The following ACCSL variants were observed in gnomAD, a reference collection of about 807,000 sequenced individuals.
ACCSL encodes the protein 1-aminocyclopropane-1-carboxylate synthase homolog (inactive) like.
A neutral mutation model predicts 61.7 loss-of-function variants in ACCSL; 55 were observed. The ratio of observed to expected loss-of-function variants is 0.89; its 90% CI spans 0.72 to 1.12. The LOEUF (loss-of-function observed/expected upper bound fraction) is 1.12, where lower values mean the gene tolerates loss of function less well. Among genes scored for constraint, ACCSL ranks in the 50% most tolerant of loss-of-function variants. The pLI is 0.00. For synonymous variants in ACCSL, 258 were observed against 264.3 expected (o/e 0.98, Z 0.23); for missense variants, 632 against 698.0 (o/e 0.91, Z 1.07).
At chr11:43,928,332 T>C in the ACCSL span, among the ~76,000 whole-genome samples, 2 of 152,144 alleles carry the variant, frequency 1.3e-5, no homozygotes, top group African/African-American at 4.8e-5. Context: ...TTTCTAGTGC[T>C]GGTAACACCC....
At chr11:43,981,397 T>C in the ACCSL span, among the ~76,000 whole-genome samples, 47 of 152,130 alleles carry the variant, frequency 3.1e-4, no homozygotes, top group Admixed American at 7.8e-4. Context: ...AGAGACACAA[T>C]GCTTGCAGCA....
At chr11:44,041,849 T>A in the ACCSL span, among the ~76,000 whole-genome samples, 3 of 152,206 alleles carry the variant, frequency 2.0e-5, no homozygotes, top group Admixed American at 2.0e-4. Flanking sequence ...TGAGAGATGT[T>A]TCATGTTAAA....
the ACCSL span, among the ~76,000 whole-genome samples, chr11:44,023,958 A>G: frequency 6.6e-6 from 1 of 151,922 alleles, no homozygotes; most frequent in Non-Finnish European, 1.5e-5. Context: ...GGATTTCCTG[A>G]ATTTTCTGTT....
the ACCSL span, among the ~76,000 whole-genome samples, chr11:44,018,392 C>T: frequency 6.6e-6 from 1 of 152,342 alleles, no homozygotes; most frequent in African/African-American, 2.4e-5. Flanking sequence ...CTCGCCCCAG[C>T]CCCACTCAGG....
chr11:43,978,237 T>G, the ACCSL span, among the ~76,000 whole-genome samples: 2 of 152,060 alleles, frequency 1.3e-5, no homozygotes, highest in Non-Finnish European at 2.9e-5. Flanking sequence ...CTCAAACTCC[T>G]GACCTCAAGT....
the ACCSL span, among the ~76,000 whole-genome samples, chr11:44,004,543 A>T: frequency 6.6e-6 from 1 of 152,150 alleles, no homozygotes; most frequent in African/African-American, 2.4e-5. Context: ...TCTCAAGGGC[A>T]TGTACCTAGC....
At chr11:43,959,208 G>A in the ACCSL span, among the ~76,000 whole-genome samples, 21 of 152,248 alleles carry the variant, frequency 1.4e-4, no homozygotes, top group East Asian at 4.1e-3. Context: ...GCGAGCCGGC[G>A]ATGCACACCA....
the ACCSL span, among the ~76,000 whole-genome samples, chr11:43,960,572 A>C: frequency 2.0e-5 from 3 of 152,032 alleles, no homozygotes; most frequent in Non-Finnish European, 4.4e-5. Context: ...TTTAGCAGAG[A>C]TGAGGTTTCA....
the ACCSL span, chr11:43,943,470 C>T: frequency 1.4e-6 from 2 of 1,410,380 alleles, no homozygotes; most frequent in African/African-American, 2.9e-5. This position sits in a 1 kb window ranked among gnomAD's most constrained non-coding sequence, Gnocchi z 4.8. Context: ...CCCGGGAGCG[C>T]CGGGAGCGGG....
chr11:43,927,996 G>A, the ACCSL span, among the ~76,000 whole-genome samples: 1 of 152,194 alleles, frequency 6.6e-6, no homozygotes, highest in Non-Finnish European at 1.5e-5. Context: ...TGGAACAAGG[G>A]GTCCTGATGA....
the ACCSL span, among the ~76,000 whole-genome samples, chr11:44,038,038 C>G: frequency 1.3e-5 from 2 of 152,046 alleles, no homozygotes; most frequent in African/African-American, 4.8e-5. Flanking sequence ...AGTTTACCTT[C>G]TAGAGAAGGG....
At chr11:44,008,166 G>T in the ACCSL span, among the ~76,000 whole-genome samples, 8 of 152,152 alleles carry the variant, frequency 5.3e-5, no homozygotes, top group Admixed American at 2.0e-4. Flanking sequence ...TCCCCAGGAT[G>T]ATTCACCTTC....
At position 44,058,185 on chromosome 11, in the gene ACCSL, T is replaced by A. The variant is rs532808241; in HGVS notation, c.1328-132T>A. The A allele has an allele frequency of 3.2e-4, 374 of 1,185,190 alleles. 1 individual carries two copies. The highest frequency in any genetic ancestry group is 5.7e-4 in the South Asian group (36 of 62,870). The allele number at this position is 1,185,190 out of a possible 1,614,324, so 73.4% of individuals were successfully genotyped here. A position where few individuals can be genotyped will look rare whatever the true frequency, so the allele number is the denominator to read the frequency against. ...GAAACTCTGGTTTTTTTGTTTTTTT[T>A]AAAAACAGACAAACAAAACAAAAAC... On this transcript the variant is annotated intron_variant, in intron 11 of 13. Transcript: ENST00000378832.
chr11:44,037,667 G>C, the ACCSL span, among the ~76,000 whole-genome samples: 2 of 152,184 alleles, frequency 1.3e-5, no homozygotes, highest in Non-Finnish European at 1.5e-5. Context: ...TCACTCTACT[G>C]TCAACATTCA....
At chr11:44,043,042 C>T (rs894797944), upstream of ACCSL, among the ~76,000 whole-genome samples, 3 of 151,464 alleles carry the variant, frequency 2.0e-5, no homozygotes, top group African/African-American at 7.3e-5. Context: ...CTGATTGCAC[C>T]ATTGCACTCC....
chr11:43,922,169 C>G, the ACCSL span: 4 of 152,242 alleles, frequency 2.6e-5, no homozygotes, highest in Non-Finnish European at 5.9e-5. Context: ...TCAGCAGGCA[C>G]TGTCCTAGGA....
the ACCSL span, among the ~76,000 whole-genome samples, chr11:43,962,886 C>A: frequency 7.2e-5 from 11 of 152,190 alleles, no homozygotes; most frequent in Non-Finnish European, 1.5e-4. Context: ...TTTTCTGACA[C>A]CCACTTCAGA....
At chr11:44,056,668 A>G (rs1218052034) in intron 11 of ACCSL, among the ~76,000 whole-genome samples, 2 of 152,102 alleles carry the variant, frequency 1.3e-5, no homozygotes, top group African/African-American at 4.8e-5. Context: ...CCCGGTCTCT[A>G]CTAAAAATGC....
chr11:44,053,062 G>T lies in ACCSL; in HGVS notation c.942G>T (p.Arg314Ser), dbSNP rs1952649813. ...DKLEEALLEA[R>S]LEGKKVRGLV... ...TAGAGGAAGCCCTGCTTGAAGCTAG[G>T]CTTGAGGTAAGGTGGGAACCATATT... Residue 314 changes from arginine to serine, a missense_variant, in exon 7 of 14, where the codon AGG becomes AGT. Coordinates refer to ENST00000378832, the MANE Select transcript of ACCSL (RefSeq NM_001031854.2). 1.4e-5 allele frequency: 23 copies of T among 1,613,750 alleles called. No homozygotes were observed. The East Asian group carries it at 5.1e-4, about 36-fold the overall frequency.
Sources: allele counts gnomAD v4.1 joint callset (sites outside exome capture counted in the v4.1 genomes callset), GRCh38; gene constraint gnomAD v4.1.1; non-coding constraint Gnocchi (gnomAD v3.1); transcripts MANE v1.5; gene names NCBI Gene and HGNC (gene_info 2026-07-23, HGNC 2026-07-21).